ERBIN: variants seen among roughly 807,000 people sequenced by gnomAD.
ERBIN encodes the protein erbb2 interacting protein.
A neutral mutation model predicts 158.4 loss-of-function variants in ERBIN; 60 were observed. That is an observed-to-expected ratio of 0.38 (90% confidence interval 0.31 to 0.47). ERBIN has a LOEUF of 0.47. ERBIN is among the 20% of genes least tolerant of loss of function. The pLI is 0.99. For missense variants in ERBIN, 1,610 were observed against 1,648.0 expected, an observed-to-expected ratio of 0.98 and a Z score of 0.40; for synonymous variants, 594 against 557.2, an observed-to-expected ratio of 1.07 and a Z score of -0.93.
chr5:65,993,730 A>T (rs1752131410), intron 3 of ERBIN, among the ~76,000 whole-genome samples: 1 of 152,184 alleles, frequency 6.6e-6, no homozygotes, highest in African/African-American at 2.4e-5. Context: ...TTGGAAAAAA[A>T]ACTATAAATT....
At chr5:66,018,042 T>C (rs1319897950) in intron 7 of ERBIN, among the ~76,000 whole-genome samples, 1 of 152,094 alleles carries the variant, frequency 6.6e-6, no homozygotes, top group Non-Finnish European at 1.5e-5. Context: ...CATTGGTCTG[T>C]GTGCCTATAT....
chr5:66,025,417 A>G, intron 10 of ERBIN, 63 bp from the exon 11 acceptor site: 1 of 1,204,626 alleles, frequency 8.3e-7, no homozygotes, highest in Non-Finnish European at 1.2e-6. Flanking sequence ...TCTCACACTG[A>G]CTGTTGGTGG....
intron 4 of ERBIN, among the ~76,000 whole-genome samples, chr5:66,004,940 G>A (rs994227767): frequency 1.3e-5 from 2 of 152,134 alleles, no homozygotes; most frequent in Admixed American, 6.6e-5. Context: ...AGGGAGGTGG[G>A]GATTTACAGG....
At chr5:66,024,039 C>T (rs1366307732) in intron 9 of ERBIN, among the ~76,000 whole-genome samples, 2 of 152,148 alleles carry the variant, frequency 1.3e-5, no homozygotes, top group Non-Finnish European at 2.9e-5. Context: ...CAAGAATCCC[C>T]ATATATGCTA....
chr5:66,076,015 T>C (rs1470693866), intron 23 of ERBIN: 5 of 308,648 alleles, frequency 1.6e-5, no homozygotes, highest in Admixed American at 4.8e-5. Context: ...CTATGTCATA[T>C]AAAATCTGTG....
At chr5:66,061,293 G>T (rs568548493) in intron 21 of ERBIN, among the ~76,000 whole-genome samples, 2 of 152,274 alleles carry the variant, frequency 1.3e-5, no homozygotes, top group African/African-American at 4.8e-5. Flanking sequence ...TTACCATTAT[G>T]TAATGGCCTT....
intron 22 of ERBIN, 45 bp from the exon 23 acceptor site, chr5:66,074,979 A>C: frequency 6.4e-7 from 1 of 1,553,684 alleles, no homozygotes. Flanking sequence ...ATTTGAAATA[A>C]GACATTATTA....
intron 4 of ERBIN, among the ~76,000 whole-genome samples, chr5:66,010,381 C>A (rs1754078487): frequency 6.6e-6 from 1 of 152,092 alleles, no homozygotes; most frequent in African/African-American, 2.4e-5. Context: ...TGCCAACTTT[C>A]AAGCAATTTT....
intron 14 of ERBIN, among the ~76,000 whole-genome samples, chr5:66,032,878 G>A (rs1267515112): frequency 6.6e-6 from 1 of 152,182 alleles, no homozygotes; most frequent in Non-Finnish European, 1.5e-5. Context: ...TCAAAGATTT[G>A]GCTTCAGTGA....
In ERBIN at chr5:66,046,383, A is replaced by G. The variant is rs200672724; in HGVS notation, c.1633A>G (p.Lys545Glu). The change falls in exon 18 of 26, where the codon AAA (lysine) becomes GAA (glutamate). Residue 545 changes from lysine (K) to glutamate (E), a missense_variant. Lys to Glu is a moderately conservative substitution (Grantham distance 56). Transcript: ENST00000284037. The part of the protein sequence containing the change: ...TSESTTTVKS[K>E]VDEREKYMIG... ...AGAAAGTACTACTACAGTAAAAAGC[A>G]AAGTTGATGAAAGAGAAAAATATAT... The G allele has an allele frequency of 8.1e-6, 13 of 1,596,388 alleles. 1 individual carries two copies. The Admixed American group carries it at 2.0e-4, about 25-fold the overall frequency.
Position 66,079,522 on chromosome 5 carries a change from G to A in ERBIN, c.*992G>A, listed in dbSNP as rs1762284226. The A allele has an allele frequency of 1.3e-5, 2 of 151,464 alleles. No homozygotes were observed. Among genetic ancestry groups the A allele is most frequent in the African/African-American group, 2.5e-5 (1 of 40,344 alleles). The allele number at this position is 151,464 out of a possible 1,614,324, so 9.4% of individuals were successfully genotyped here. A position where few individuals can be genotyped will look rare whatever the true frequency, so the allele number is the denominator to read the frequency against. On this transcript the variant is annotated 3_prime_UTR_variant, in exon 26 of 26. Transcript: ENST00000284037. ...TGTTGCCTGTAACACAAAATGTTACGAAGGTTTAGGAAAGCCTCTTTGATT... is the reference window on the plus strand; with the variant it reads ...TGTTGCCTGTAACACAAAATGTTACAAAGGTTTAGGAAAGCCTCTTTGATT...
chr5:65,932,337 C>CA (rs1040732361), intron 1 of ERBIN, among the ~76,000 whole-genome samples: 2,554 of 54,138 alleles, frequency 0.047, 77 homozygotes, highest in South Asian at 0.11. Context: ...GACTCCGTCT[C>CA]AAAAAAAAAA....
At chr5:65,965,326 G>A (rs1167243343) in intron 1 of ERBIN, among the ~76,000 whole-genome samples, 1 of 149,320 alleles carries the variant, frequency 6.7e-6, no homozygotes, top group Admixed American at 6.8e-5. Flanking sequence ...TCTTTTGGCT[G>A]GATTGCTTTT....
At chr5:65,980,290 C>T (rs1023633923) in intron 1 of ERBIN, among the ~76,000 whole-genome samples, 4 of 151,744 alleles carry the variant, frequency 2.6e-5, no homozygotes, top group Admixed American at 6.6e-5. Context: ...GTGTTGGGTG[C>T]GGTGTCGGGC....
chr5:66,078,967 T>G lies in ERBIN; in HGVS notation c.*437T>G, dbSNP rs1762250100. ...GGTATTAATGTTTTTCTCCTGAAAC[T>G]ACTTTTTTTGATGTGGGCAAGAGAT... On this transcript the variant is annotated 3_prime_UTR_variant, in exon 26 of 26. Transcript: ENST00000284037. 1 of 161,758 alleles carries G rather than the reference T, an allele frequency of 6.2e-6. No individual in the cohort carries two copies. The highest frequency in any genetic ancestry group is 1.9e-4 in the East Asian group (1 of 5,312). The allele number at this position is 161,758 out of a possible 1,614,324, so 10.0% of individuals were successfully genotyped here.
chr5:66,059,279 G>A (rs377207647), intron 21 of ERBIN, among the ~76,000 whole-genome samples: 14 of 151,886 alleles, frequency 9.2e-5, no homozygotes, highest in East Asian at 3.9e-4. Context: ...ATTCCTAGGT[G>A]TTTTATTCTC....
At chr5:65,931,647 A>G (rs772342262) in intron 1 of ERBIN, among the ~76,000 whole-genome samples, 3 of 152,204 alleles carry the variant, frequency 2.0e-5, no homozygotes, top group Non-Finnish European at 2.9e-5. Flanking sequence ...GCAATGTTTT[A>G]TATTTTTGCA....
At chr5:65,932,007 A>G (rs971949067) in intron 1 of ERBIN, among the ~76,000 whole-genome samples, 2 of 151,838 alleles carry the variant, frequency 1.3e-5, no homozygotes, top group Non-Finnish European at 2.9e-5. Context: ...TTGTAGAGAC[A>G]GGGTTTCTCC....
At chr5:66,025,609 C>A in intron 11 of ERBIN, 57 bp downstream of exon 11, 1 of 1,295,204 alleles carries the variant, frequency 7.7e-7, no homozygotes, top group Non-Finnish European at 1.1e-6. Context: ...TTCAGCATGC[C>A]ATACATATTT....
Sources: gnomAD v4.1 joint callset for allele counts (sites outside exome capture counted in the v4.1 genomes callset) on GRCh38, gnomAD v4.1.1 for gene constraint, MANE v1.5 for transcripts, NCBI Gene and HGNC (gene_info 2026-07-23, HGNC 2026-07-21) for gene names.